LARP1: variants seen among roughly 807,000 people sequenced by gnomAD.
LARP1 encodes the protein La ribonucleoprotein 1, translational regulator.
Under a neutral mutation model 122.7 loss-of-function variants are expected in LARP1, and 36 were observed. The ratio of observed to expected loss-of-function variants is 0.29; its 90% CI spans 0.22 to 0.39. The LOEUF (loss-of-function observed/expected upper bound fraction) is 0.39, where lower values mean the gene tolerates loss of function less well. Among genes scored for constraint, LARP1 ranks in the 10% least tolerant of loss-of-function variants. The probability of loss-of-function intolerance (pLI) is 1.00; values close to 1 mark genes in which losing one functional copy is unlikely to be tolerated. For synonymous variants in LARP1, 539 were observed against 528.7 expected, an observed-to-expected ratio of 1.02 and a Z score of -0.27; for missense variants, 1,040 against 1,403.6, an observed-to-expected ratio of 0.74 and a Z score of 4.14.
At position 154,683,544 on chromosome 5, in the gene LARP1, A is replaced by G. The variant is rs976462450; in HGVS notation, c.-180+507A>G. ...CACCCTCCCTACCTGCTCGCCCTCT[A>G]GTTTGCCACAGTCTCCGCTACTCCC... On this transcript the variant is annotated intron_variant, in intron 1 of 18. Coordinates refer to the LARP1 transcript ENST00000687700. Among the ~76,000 whole-genome samples the G allele has an allele frequency of 7.2e-5, 11 of 152,218 alleles. No individual in the cohort carries two copies. The East Asian group carries it at 2.1e-3, about 29-fold the overall frequency.
At chr5:154,689,920 T>C (rs1754112654) in intron 1 of LARP1, among the ~76,000 whole-genome samples, 1 of 151,766 alleles carries the variant, frequency 6.6e-6, no homozygotes, top group Non-Finnish European at 1.5e-5. Context: ...CCACTAAAAA[T>C]ACAAAAAAAT....
Position 154,811,314 on chromosome 5 carries a change from T to C in LARP1, c.2911T>C (p.Phe971Leu). ...GLEKKFRLDI[F>L]KDFQEETVKD... Reference sequence around the variant, plus strand: ...GGAAAAGAAGTTCCGGCTGGACATATTCAAGGATTTTCAGGAGGAAACGGT... The same window carrying C: ...GGAAAAGAAGTTCCGGCTGGACATACTCAAGGATTTTCAGGAGGAAACGGT... The change falls in exon 17 of 19, where the codon TTC (phenylalanine) becomes CTC (leucine). Residue 971 changes from phenylalanine to leucine, a missense_variant. By Grantham distance (22) the Phe-to-Leu change is conservative. Around this residue, in one of 8 missense-constraint regions of LARP1, gnomAD observed 129 missense variants for 160.8 expected, o/e 0.80. Coordinates refer to ENST00000518297, the MANE Select transcript of LARP1 (RefSeq NM_033551.3). The C allele has an allele frequency of 6.2e-7, 1 of 1,614,184 alleles. No homozygotes were observed. Among genetic ancestry groups the C allele is most frequent in the Non-Finnish European group, 8.5e-7 (1 of 1,180,038 alleles).
chr5:154,748,394 C>T (rs1753313488), intron 1 of LARP1, among the ~76,000 whole-genome samples: 1 of 152,114 alleles, frequency 6.6e-6, no homozygotes, highest in Non-Finnish European at 1.5e-5. Flanking sequence ...GGTATAATCC[C>T]TGCCTTATGG....
intron 14 of LARP1, chr5:154,805,639 A>G (rs780074476): frequency 2.7e-5 from 12 of 450,122 alleles, no homozygotes; most frequent in African/African-American, 4.0e-5. Flanking sequence ...AAATAGTCTT[A>G]TGACCCTGGA....
chr5:154,752,932 C>CA (rs928745576), upstream of LARP1, among the ~76,000 whole-genome samples: 49 of 143,698 alleles, frequency 3.4e-4, no homozygotes, highest in African/African-American at 5.3e-4. Flanking sequence ...GAGTAAGAGT[C>CA]AAAAAAAAAA....
Position 154,803,817 on chromosome 5 carries a change from C to T in LARP1, c.2439+72C>T, listed in dbSNP as rs1313452371. ...TGCATTCCAGTGCTTTGCTTCTCTC[C>T]CTTGCCTTGTCTGAGCTAAGGAAGT... is the stretch of plus-strand genomic sequence containing the variant. On this transcript the variant is annotated intron_variant, in intron 13 of 18. Coordinates refer to ENST00000518297, the MANE Select transcript of LARP1 (RefSeq NM_033551.3). This position sits in a 1 kb window ranked among gnomAD's most constrained non-coding sequence, Gnocchi z 4.4. 2.1e-6 allele frequency: 3 copies of T among 1,452,656 alleles called. No homozygotes were observed. Among genetic ancestry groups the T allele is most frequent in the Non-Finnish European group, 2.9e-6 (3 of 1,042,180 alleles). The allele number at this position is 1,452,656 out of a possible 1,614,324, so 90.0% of individuals were successfully genotyped here.
chr5:154,783,464 G>A (rs962974197), intron 1 of LARP1, among the ~76,000 whole-genome samples: 2 of 152,156 alleles, frequency 1.3e-5, no homozygotes, highest in Admixed American at 1.3e-4. Context: ...ATGATGCCCA[G>A]GCATCCCTGC....
intron 1 of LARP1, among the ~76,000 whole-genome samples, chr5:154,700,915 C>T (rs1009241364): frequency 3.9e-5 from 6 of 152,028 alleles, no homozygotes; most frequent in African/African-American, 9.6e-5. Context: ...GCCGAAATCA[C>T]GCCACTGCAC....
intron 17 of LARP1, 55 bp downstream of exon 17, chr5:154,811,411 C>A: frequency 6.2e-7 from 1 of 1,608,182 alleles, no homozygotes; most frequent in Non-Finnish European, 8.5e-7. Flanking sequence ...CTCCTCTTCC[C>A]CAGTTGGACC....
chr5:154,723,681 C>T (rs1304035650), intron 1 of LARP1, among the ~76,000 whole-genome samples: 1 of 152,182 alleles, frequency 6.6e-6, no homozygotes, highest in African/African-American at 2.4e-5. Context: ...CTGTTATCAA[C>T]TGCATTATAC....
chr5:154,711,951 C>G (rs1313247483), upstream of LARP1, among the ~76,000 whole-genome samples: 1 of 152,150 alleles, frequency 6.6e-6, no homozygotes, highest in Non-Finnish European at 1.5e-5. Flanking sequence ...TGAAAATATC[C>G]ATCCTCCATT....
chr5:154,801,203 G>T (rs1438727155), intron 10 of LARP1, among the ~76,000 whole-genome samples: 1 of 152,170 alleles, frequency 6.6e-6, no homozygotes, highest in East Asian at 1.9e-4. Context: ...GTTTTTCTTT[G>T]CTGAAGGCAC....
At chr5:154,796,763 C>T (rs867604647) in intron 8 of LARP1, among the ~76,000 whole-genome samples, 1 of 152,108 alleles carries the variant, frequency 6.6e-6, no homozygotes, top group Non-Finnish European at 1.5e-5. Flanking sequence ...AGTAACTTTG[C>T]CTCATCAACT....
At chr5:154,694,283 G>T (rs535278988) in intron 1 of LARP1, among the ~76,000 whole-genome samples, 1 of 152,168 alleles carries the variant, frequency 6.6e-6, no homozygotes, top group South Asian at 2.1e-4. Context: ...TTGAGACAGG[G>T]TCTCACTCTG....
chr5:154,741,729 G>C (rs1180544860), intron 1 of LARP1, among the ~76,000 whole-genome samples: 1 of 152,218 alleles, frequency 6.6e-6, no homozygotes, highest in Non-Finnish European at 1.5e-5. Flanking sequence ...GGGTTCTGGA[G>C]CATAGAGGGT....
chr5:154,751,154 G>A (rs1171318797), upstream of LARP1, among the ~76,000 whole-genome samples: 3 of 152,104 alleles, frequency 2.0e-5, no homozygotes, highest in Admixed American at 2.0e-4. Flanking sequence ...AAATACTTAT[G>A]GATATGGCAA....
At position 154,815,151 on chromosome 5, in the gene LARP1, G is replaced by A. The variant is rs1455050775; in HGVS notation, c.*1055G>A. The A allele has an allele frequency of 1.3e-5, 2 of 152,542 alleles. No homozygotes were observed. The highest frequency in any genetic ancestry group is 1.9e-4 in the East Asian group (1 of 5,176). 9.4% of individuals were successfully genotyped at this position (152,542 alleles called of 1,614,324 possible). On this transcript the variant is annotated 3_prime_UTR_variant, in exon 19 of 19. Coordinates refer to ENST00000518297, the MANE Select transcript of LARP1 (RefSeq NM_033551.3). ...TTCTCTGGACTGTTGCATGTACAGT[G>A]CCTCCATCCTGGAGGCAAGAGAGTT...
At chr5:154,797,654 G>A (rs1022900960) in intron 8 of LARP1, among the ~76,000 whole-genome samples, 1 of 142,282 alleles carries the variant, frequency 7.0e-6, no homozygotes, top group Non-Finnish European at 1.5e-5. Flanking sequence ...TACTCATTTT[G>A]TTTTATTTCA....
At chr5:154,800,680 C>G (rs2113826667) in intron 10 of LARP1, among the ~76,000 whole-genome samples, 1 of 152,310 alleles carries the variant, frequency 6.6e-6, no homozygotes, top group African/African-American at 2.4e-5. Flanking sequence ...ATTACTACTT[C>G]CTTTTTAAGT....
Sources: gnomAD v4.1 joint callset for allele counts (sites outside exome capture counted in the v4.1 genomes callset) on GRCh38, gnomAD v4.1.1 for gene constraint, gnomAD v4.1.1 regional missense constraint, Gnocchi (gnomAD v3.1) non-coding constraint, MANE v1.5 for transcripts, NCBI Gene and HGNC (gene_info 2026-07-23, HGNC 2026-07-21) for gene names.